Variants in HEMK2 observed in about 807,000 individuals in gnomAD.
HEMK2 encodes HemK methyltransferase 2, ETF1 glutamine and histone H4 lysine, also known as methyltransferase HEMK2.
At chr21:28,589,315 A>T in the HEMK2 span, among the ~76,000 whole-genome samples, 9 of 152,228 alleles carry the variant, frequency 5.9e-5, no homozygotes, top group African/African-American at 1.9e-4. Context: ...GCAGTTTTTT[A>T]AAAAAACCAT....
At chr21:28,770,276 C>G in the HEMK2 span, among the ~76,000 whole-genome samples, 4 of 152,114 alleles carry the variant, frequency 2.6e-5, no homozygotes, top group Non-Finnish European at 5.9e-5. Context: ...TAGGAAGAAA[C>G]CCTTTCCTTT....
the HEMK2 span, chr21:28,875,390 ATTTG>A: frequency 2.0e-5 from 3 of 152,250 alleles, no homozygotes; most frequent in East Asian, 5.8e-4. Flanking sequence ...GAGACTAGTT[ATTTG>A]TTGGTAATGG....
the HEMK2 span, among the ~76,000 whole-genome samples, chr21:28,704,916 T>A: frequency 6.6e-6 from 1 of 152,232 alleles, no homozygotes; most frequent in Admixed American, 6.5e-5. Context: ...TTTTCCTGGC[T>A]TGGCAAACTG....
chr21:28,725,204 T>A, the HEMK2 span, among the ~76,000 whole-genome samples: 2 of 152,184 alleles, frequency 1.3e-5, no homozygotes, highest in Non-Finnish European at 2.9e-5. Flanking sequence ...CAACCTAGCA[T>A]GCACCCAATA....
At chr21:28,756,294 C>G in the HEMK2 span, among the ~76,000 whole-genome samples, 1 of 152,198 alleles carries the variant, frequency 6.6e-6, no homozygotes, top group East Asian at 1.9e-4. Context: ...CTTCCAATCT[C>G]TTCCTCACTG....
At chr21:28,738,878 C>T in the HEMK2 span, among the ~76,000 whole-genome samples, 1 of 152,214 alleles carries the variant, frequency 6.6e-6, no homozygotes, top group Non-Finnish European at 1.5e-5. Flanking sequence ...GGGGACAAAA[C>T]AAGACAGTTG....
At chr21:28,763,441 T>C in the HEMK2 span, among the ~76,000 whole-genome samples, 2 of 152,068 alleles carry the variant, frequency 1.3e-5, no homozygotes, top group East Asian at 1.9e-4. Context: ...AGCTCTTGCG[T>C]GAACTCACTC....
chr21:28,776,347 T>G, the HEMK2 span, among the ~76,000 whole-genome samples: 1 of 152,256 alleles, frequency 6.6e-6, no homozygotes, highest in Non-Finnish European at 1.5e-5. Flanking sequence ...CTTATCTGCC[T>G]GATGAATCAG....
chr21:28,841,397 AT>A, the HEMK2 span, among the ~76,000 whole-genome samples: 1 of 37,742 alleles, frequency 2.6e-5, no homozygotes, highest in African/African-American at 1.9e-4. Context: ...ATAAAATATT[AT>A]ATATATAATA....
chr21:28,624,160 A>G, the HEMK2 span, among the ~76,000 whole-genome samples: 1 of 152,216 alleles, frequency 6.6e-6, no homozygotes, highest in Non-Finnish European at 1.5e-5. Flanking sequence ...CATTTTTCAA[A>G]AAGAAAGAAA....
At chr21:28,657,593 A>C in the HEMK2 span, among the ~76,000 whole-genome samples, 14 of 152,092 alleles carry the variant, frequency 9.2e-5, no homozygotes, top group African/African-American at 3.4e-4. Context: ...AGACAAAACA[A>C]AAAAACCTCT....
chr21:28,739,489 T>C, the HEMK2 span, among the ~76,000 whole-genome samples: 1 of 152,234 alleles, frequency 6.6e-6, no homozygotes, highest in Non-Finnish European at 1.5e-5. Context: ...AAAATGTTAA[T>C]AAGATCTGAA....
the HEMK2 span, among the ~76,000 whole-genome samples, chr21:28,592,765 T>C: frequency 1.6e-4 from 25 of 152,202 alleles, no homozygotes; most frequent in African/African-American, 6.0e-4. Context: ...CTTACTGTTG[T>C]TGCTGCTGTT....
the HEMK2 span, among the ~76,000 whole-genome samples, chr21:28,843,233 C>T: frequency 3.7e-4 from 56 of 152,106 alleles, no homozygotes; most frequent in African/African-American, 1.3e-3. Flanking sequence ...TGAGACTAGG[C>T]AATTTGTAAA....
At chr21:28,847,869 AAGAG>A in the HEMK2 span, among the ~76,000 whole-genome samples, 1 of 152,154 alleles carries the variant, frequency 6.6e-6, no homozygotes, top group East Asian at 1.9e-4. Context: ...CCATTTACAG[AAGAG>A]AGAGAGTCTT....
chr21:28,811,698 C>T, the HEMK2 span, among the ~76,000 whole-genome samples: 1 of 152,138 alleles, frequency 6.6e-6, no homozygotes, highest in Non-Finnish European at 1.5e-5. Context: ...TCTGAATATT[C>T]ATGTGTCTGA....
At chr21:28,696,959 T>C in the HEMK2 span, among the ~76,000 whole-genome samples, 2 of 152,120 alleles carry the variant, frequency 1.3e-5, no homozygotes, top group African/African-American at 4.8e-5. Flanking sequence ...CGGGGCACCA[T>C]GTCCGGAGGC....
the HEMK2 span, among the ~76,000 whole-genome samples, chr21:28,675,917 T>C: frequency 6.6e-6 from 1 of 152,326 alleles, no homozygotes; most frequent in East Asian, 1.9e-4. Context: ...TTTGGAATTA[T>C]GAAGTTCTTT....
chr21:28,650,493 G>A, the HEMK2 span, among the ~76,000 whole-genome samples: 75 of 152,286 alleles, frequency 4.9e-4, no homozygotes, highest in African/African-American at 1.6e-3. Context: ...GACAGTCAGA[G>A]GTGGAAGCAT....
Sources: gnomAD v4.1 joint callset for allele counts (sites outside exome capture counted in the v4.1 genomes callset) on GRCh38, gnomAD v4.1.1 for gene constraint, MANE v1.5 for transcripts, NCBI Gene and HGNC (gene_info 2026-07-23, HGNC 2026-07-21) for gene names.